Variants in NAV3 observed in about 807,000 individuals in gnomAD.
The protein encoded by NAV3 is pore membrane and/or filament interacting like protein 1.
Under a neutral mutation model 244.7 loss-of-function variants are expected in NAV3, and 87 were observed. The observed-to-expected ratio is 0.36, with a 90% confidence interval of 0.30 to 0.42. The LOEUF is 0.42. NAV3 is among the 20% of genes least tolerant of loss of function. The pLI is 1.00. For synonymous variants in NAV3, 1,126 were observed against 1,042.2 expected (o/e 1.08, Z -1.55); for missense variants, 2,663 against 2,893.3 (o/e 0.92, Z 1.83).
At chr12:77,911,145 C>T (rs556572792) in intron 1 of NAV3, among the ~76,000 whole-genome samples, 1 of 152,096 alleles carries the variant, frequency 6.6e-6, no homozygotes, top group South Asian at 2.1e-4. Flanking sequence ...CCAACATTAG[C>T]TTTAGAATAA....
chr12:77,586,180 T>A (rs1035645157), intron 2 of NAV3, among the ~76,000 whole-genome samples: 6 of 56,414 alleles, frequency 1.1e-4, no homozygotes, highest in Non-Finnish European at 2.3e-4. Flanking sequence ...AAAAAAAAAA[T>A]TGCTGTAAGA....
At chr12:77,751,671 C>T (rs1287746155) in intron 2 of NAV3, among the ~76,000 whole-genome samples, 1 of 152,152 alleles carries the variant, frequency 6.6e-6, no homozygotes, top group Non-Finnish European at 1.5e-5. Flanking sequence ...ATAAATTAAC[C>T]AGTCTCAGTT....
chr12:77,973,643 G>A (rs563814123), intron 5 of NAV3, among the ~76,000 whole-genome samples: 20 of 152,170 alleles, frequency 1.3e-4, no homozygotes, highest in African/African-American at 4.1e-4. Flanking sequence ...GCCTTCCAGG[G>A]TATCTTTTCC....
chr12:78,107,419 G>A (rs193106173), intron 12 of NAV3, among the ~76,000 whole-genome samples: 12 of 151,958 alleles, frequency 7.9e-5, no homozygotes, highest in African/African-American at 1.4e-4. Flanking sequence ...CCGATAAAAC[G>A]CAAAAAGGTC....
intron 12 of NAV3, among the ~76,000 whole-genome samples, chr12:78,109,975 T>C (rs1424565456): frequency 6.6e-6 from 1 of 151,956 alleles, no homozygotes; most frequent in Non-Finnish European, 1.5e-5. Flanking sequence ...AAATAAAAAG[T>C]ATCTAAATTG....
intron 2 of NAV3, among the ~76,000 whole-genome samples, chr12:77,761,416 A>T (rs1454290483): frequency 2.0e-5 from 3 of 152,218 alleles, no homozygotes; most frequent in African/African-American, 4.8e-5. Flanking sequence ...AACATTGTTT[A>T]TATTTAATCA....
chr12:77,737,283 C>T (rs1403046666), intron 2 of NAV3, among the ~76,000 whole-genome samples: 2 of 149,720 alleles, frequency 1.3e-5, no homozygotes, highest in African/African-American at 4.9e-5. Flanking sequence ...TTTGGAAATG[C>T]TGCGTTCACC....
At chr12:77,778,699 A>G (rs1356223355) in intron 2 of NAV3, among the ~76,000 whole-genome samples, 1 of 152,072 alleles carries the variant, frequency 6.6e-6, no homozygotes, top group Non-Finnish European at 1.5e-5. Flanking sequence ...GCTTTGCTGG[A>G]GAACAAATTT....
chr12:77,878,480 C>T (rs766995073), intron 1 of NAV3, among the ~76,000 whole-genome samples: 3 of 152,030 alleles, frequency 2.0e-5, no homozygotes, highest in Admixed American at 6.6e-5. Flanking sequence ...CTGCCCATCT[C>T]GGCCTCCCAA....
chr12:77,939,305 T>A (rs1376201666), intron 1 of NAV3, among the ~76,000 whole-genome samples: 2 of 152,170 alleles, frequency 1.3e-5, no homozygotes, highest in Non-Finnish European at 1.5e-5. Context: ...TTATACCCAC[T>A]GCAAGGAAGG....
intron 2 of NAV3, among the ~76,000 whole-genome samples, chr12:77,604,263 T>C (rs711113): frequency 0.054 from 8,177 of 152,110 alleles, 272 homozygotes; most frequent in African/African-American, 0.081. Flanking sequence ...GATACTTTTT[T>C]TTCTAGGGTG....
intron 8 of NAV3, among the ~76,000 whole-genome samples, chr12:78,013,482 C>T (rs535503395): frequency 1.3e-5 from 2 of 152,158 alleles, no homozygotes; most frequent in South Asian, 4.1e-4. Flanking sequence ...AAACATAAGG[C>T]TGAAGGAACC....
At chr12:77,792,579 G>A (rs1170248521) in intron 2 of NAV3, among the ~76,000 whole-genome samples, 3 of 152,138 alleles carry the variant, frequency 2.0e-5, no homozygotes, top group East Asian at 3.9e-4. Flanking sequence ...GGGATACCAC[G>A]AGAAGTCTGT....
chr12:77,766,127 G>A (rs137901637), intron 2 of NAV3, among the ~76,000 whole-genome samples: 2 of 152,288 alleles, frequency 1.3e-5, no homozygotes, highest in Non-Finnish European at 2.9e-5. Flanking sequence ...GACTTATCCA[G>A]GCTGTCTATT....
intron 12 of NAV3, among the ~76,000 whole-genome samples, chr12:78,059,627 A>G (rs1408969941): frequency 6.6e-6 from 1 of 152,096 alleles, no homozygotes; most frequent in Non-Finnish European, 1.5e-5. Context: ...TTTTCTTTAC[A>G]AGGCCATTTT....
chr12:77,666,253 C>G (rs1873713136), intron 2 of NAV3, among the ~76,000 whole-genome samples: 1 of 139,416 alleles, frequency 7.2e-6, no homozygotes, highest in African/African-American at 2.7e-5. Context: ...AATAATATCT[C>G]TTCTAATTAT....
intron 12 of NAV3, among the ~76,000 whole-genome samples, chr12:78,099,981 C>G (rs1448758): frequency 0.14 from 21,424 of 151,664 alleles, 1,574 homozygotes; most frequent in Non-Finnish European, 0.15. Flanking sequence ...TCTGATGCCA[C>G]GACAGAATAG....
At chr12:78,132,813 A>G (rs1956219625) in intron 18 of NAV3, among the ~76,000 whole-genome samples, 1 of 152,144 alleles carries the variant, frequency 6.6e-6, no homozygotes, top group Non-Finnish European at 1.5e-5. Context: ...GTGCTAGACC[A>G]TATAGCCACC....
intron 2 of NAV3, among the ~76,000 whole-genome samples, chr12:77,794,729 A>G (rs1871329833): frequency 6.6e-6 from 1 of 152,144 alleles, no homozygotes; most frequent in African/African-American, 2.4e-5. Context: ...GGTGATACTC[A>G]TGATATTTCC....
Sources: allele counts gnomAD v4.1 joint callset (sites outside exome capture counted in the v4.1 genomes callset), GRCh38; gene constraint gnomAD v4.1.1; transcripts MANE v1.5; gene names NCBI Gene and HGNC (gene_info 2026-07-23, HGNC 2026-07-21).